NYAP2: variants seen among roughly 807,000 people sequenced by gnomAD.
NYAP2 encodes neuronal tyrosine-phosphorylated phosphoinositide-3-kinase adapter 2.
In NYAP2, 23 loss-of-function variants were observed where a neutral mutation model predicts 50.4. The ratio of observed to expected loss-of-function variants is 0.46; its 90% CI spans 0.33 to 0.65. The LOEUF (loss-of-function observed/expected upper bound fraction) is 0.65. Ranked by LOEUF, NYAP2 falls within the 30% of genes least tolerant of loss-of-function variation. The probability of loss-of-function intolerance (pLI) is 0.02; values close to 1 mark genes in which losing one functional copy is unlikely to be tolerated. For synonymous variants in NYAP2, 394 were observed against 365.2 expected, an observed-to-expected ratio of 1.08 and a Z score of -0.90; for missense variants, 885 against 861.0, an observed-to-expected ratio of 1.03 and a Z score of -0.35.
intron 5 of NYAP2, among the ~76,000 whole-genome samples, chr2:225,626,010 C>G (rs760060690): frequency 6.6e-6 from 1 of 152,116 alleles, no homozygotes; most frequent in Non-Finnish European, 1.5e-5. Flanking sequence ...AAAATCTGTA[C>G]AATCTTCTGA....
chr2:225,460,245 T>G (rs1689807355), intron 3 of NYAP2, among the ~76,000 whole-genome samples: 1 of 152,222 alleles, frequency 6.6e-6, no homozygotes, highest in Non-Finnish European at 1.5e-5. Context: ...ATTAATAAGG[T>G]AGCAATTTCT....
rs182477306 is a variant in NYAP2, at chr2:225,536,625, G to A, written c.523+22953G>A. On this transcript the variant is annotated intron_variant, in intron 4 of 6. Transcript: ENST00000636099. ...TAACCATACAATGTGTAATAATCAC[G>A]TCAGGGCAAATGGGGTCATCACCTT... Among the ~76,000 whole-genome samples, 695 of 152,026 alleles carry A rather than the reference G, an allele frequency of 4.6e-3. 3 individuals are homozygous for A. The highest frequency in any genetic ancestry group is 0.015 in the African/African-American group (640 of 41,454).
At chr2:225,538,830 CTTTCTTTCTTTCTTTCT>C (rs1691404088) in intron 4 of NYAP2, among the ~76,000 whole-genome samples, 4 of 69,002 alleles carry the variant, frequency 5.8e-5, no homozygotes, top group Admixed American at 4.4e-4. Flanking sequence ...TTCTTTCTTT[CTTTCTTTCTTTCTTTCT>C]TTGTTTTTAT....
At position 225,407,885 on chromosome 2, in the gene NYAP2, C is replaced by G. The variant is rs182944266; in HGVS notation, c.-17-979C>G. Among the ~76,000 whole-genome samples, 277 of 151,920 alleles carry G rather than the reference C, an allele frequency of 1.8e-3. 2 individuals carry two copies. Among genetic ancestry groups the G allele is most frequent in the Admixed American group, 3.3e-3 (50 of 15,212 alleles). Reference sequence around the variant, plus strand: ...CATCTCCCCATCTAGCCACACATATCCATTTGACATTACTATTGCTGCCAG... The same window carrying G: ...CATCTCCCCATCTAGCCACACATATGCATTTGACATTACTATTGCTGCCAG... On this transcript the variant is annotated intron_variant, in intron 2 of 6. Coordinates refer to ENST00000636099, the Ensembl canonical transcript of NYAP2.
At chr2:225,538,453 G>A (rs1691389411) in intron 4 of NYAP2, among the ~76,000 whole-genome samples, 1 of 152,216 alleles carries the variant, frequency 6.6e-6, no homozygotes, top group Admixed American at 6.5e-5. Flanking sequence ...CAAGGTTTGA[G>A]GCTTGAACCC....
chr2:225,636,887 C>T (rs1315626984), intron 6 of NYAP2, among the ~76,000 whole-genome samples: 1 of 152,104 alleles, frequency 6.6e-6, no homozygotes, highest in African/African-American at 2.4e-5. Context: ...CTACTTGACC[C>T]ACATTTGACT....
At chr2:225,536,188 T>C (rs541128160) in intron 4 of NYAP2, among the ~76,000 whole-genome samples, 2 of 152,220 alleles carry the variant, frequency 1.3e-5, no homozygotes, top group Non-Finnish European at 2.9e-5. Context: ...TACCCCTCAG[T>C]TGAACCCCCA....
chr2:225,441,530 A>C (rs1689470289), intron 3 of NYAP2, among the ~76,000 whole-genome samples: 1 of 152,202 alleles, frequency 6.6e-6, no homozygotes, highest in African/African-American at 2.4e-5. Flanking sequence ...TAATTGACTC[A>C]CAGTTCTGCA....
chr2:225,685,652 T>C, the NYAP2 span, among the ~76,000 whole-genome samples: 2 of 152,144 alleles, frequency 1.3e-5, no homozygotes, highest in African/African-American at 4.8e-5. Context: ...CTATAGTCAT[T>C]TTTAATCTCC....
chr2:225,466,486 G>T (rs1356405), intron 3 of NYAP2, among the ~76,000 whole-genome samples: 1 of 152,000 alleles, frequency 6.6e-6, no homozygotes, highest in Admixed American at 6.6e-5. Context: ...ATTTAAGACC[G>T]CAGGTGTGAG....
intron 4 of NYAP2, among the ~76,000 whole-genome samples, chr2:225,521,657 G>A (rs1691061581): frequency 6.6e-6 from 1 of 151,246 alleles, no homozygotes; most frequent in Admixed American, 6.6e-5. Context: ...TTTTTGATGT[G>A]CTGCTGGATT....
intron 4 of NYAP2, among the ~76,000 whole-genome samples, chr2:225,558,363 G>A (rs1247756518): frequency 1.3e-5 from 2 of 152,132 alleles, no homozygotes; most frequent in South Asian, 2.1e-4. Context: ...AGGCTTTAGG[G>A]GAAACCCTTT....
chr2:225,526,131 C>A (rs1471256234), intron 4 of NYAP2, among the ~76,000 whole-genome samples: 4 of 152,208 alleles, frequency 2.6e-5, no homozygotes, highest in Admixed American at 6.5e-5. Context: ...TTATGGGACC[C>A]TGAGCAGAGA....
At chr2:225,444,932 C>T (rs1317980636) in intron 3 of NYAP2, among the ~76,000 whole-genome samples, 1 of 152,126 alleles carries the variant, frequency 6.6e-6, no homozygotes, top group Non-Finnish European at 1.5e-5. Flanking sequence ...CACTTTTCTC[C>T]CCCTTTCCCT....
chr2:225,688,204 T>C, the NYAP2 span, among the ~76,000 whole-genome samples: 2 of 152,244 alleles, frequency 1.3e-5, no homozygotes, highest in East Asian at 3.9e-4. Flanking sequence ...TCACATGGCA[T>C]TGAGGACTGA....
intron 5 of NYAP2, among the ~76,000 whole-genome samples, chr2:225,601,346 C>T (rs576971813): frequency 6.6e-6 from 1 of 152,140 alleles, no homozygotes; most frequent in East Asian, 1.9e-4. Context: ...GTCTCGATCT[C>T]TTGACCTTGG....
chr2:225,691,119 G>C, the NYAP2 span, among the ~76,000 whole-genome samples: 1 of 151,952 alleles, frequency 6.6e-6, no homozygotes, highest in Admixed American at 6.6e-5. Context: ...GAGTTTTTCA[G>C]ATAGTTTATG....
chr2:225,574,836 T>G lies in NYAP2; in HGVS notation c.524-7105T>G, dbSNP rs144842260. On this transcript the variant is annotated intron_variant, in intron 4 of 6. Coordinates refer to ENST00000636099, the Ensembl canonical transcript of NYAP2. The stretch of plus-strand genomic sequence containing the variant: ...TTTCAGAGATGTCAACAGGGGCTCT[T>G]ATAGTCAAGCCCTTCATTTGATTTT... Among the ~76,000 whole-genome samples, 38 of 152,308 alleles carry G rather than the reference T, an allele frequency of 2.5e-4. No homozygotes were observed. The East Asian group carries it at 6.8e-3, about 27-fold the overall frequency.
At chr2:225,688,892 A>C in the NYAP2 span, among the ~76,000 whole-genome samples, 2 of 151,972 alleles carry the variant, frequency 1.3e-5, no homozygotes. Flanking sequence ...ACAGGTGTAC[A>C]CCACCGTGCC....
Sources: gnomAD v4.1 joint callset for allele counts (sites outside exome capture counted in the v4.1 genomes callset) on GRCh38, gnomAD v4.1.1 for gene constraint, MANE v1.5 for transcripts, NCBI Gene and HGNC (gene_info 2026-07-23, HGNC 2026-07-21) for gene names.